The following ERAP2 variants were observed in gnomAD, a reference collection of about 807,000 sequenced individuals.
ERAP2 encodes leukocyte-derived arginine aminopeptidase.
Under a neutral mutation model 111.1 loss-of-function variants are expected in ERAP2, and 118 were observed. That is an observed-to-expected ratio of 1.06 (90% CI 0.92 to 1.24). The LOEUF is 1.24. ERAP2 is among the 50% of genes most tolerant of loss of function. The pLI is 0.00. For synonymous variants in ERAP2, 410 were observed against 401.2 expected, an observed-to-expected ratio of 1.02 and a Z score of -0.26; for missense variants, 1,131 against 1,125.8, an observed-to-expected ratio of 1.00 and a Z score of -0.07.
rs61258566 is a variant in ERAP2, at chr5:96,907,883, CAAAAA to C, written c.2013-1070_2013-1066del. On this transcript the variant is annotated intron_variant, in intron 13 of 18. Transcript: ENST00000437043. ...GGGTGACAAGAGCAAAACTCTGTCT[CAAAAA>C]AAAAAAATATATATATATGGCAGAC... 6.5e-3 allele frequency among the ~76,000 whole-genome samples: 955 copies of C among 147,822 alleles called. 5 individuals are homozygous for C. The highest frequency in any genetic ancestry group is 0.01 in the Non-Finnish European group (678 of 66,068).
At chr5:96,890,280 C>G (rs572024432) in intron 5 of ERAP2, among the ~76,000 whole-genome samples, 9 of 152,324 alleles carry the variant, frequency 5.9e-5, no homozygotes, top group African/African-American at 2.2e-4. Flanking sequence ...CACCTCAGAG[C>G]ATTGGGCATT....
Position 96,879,696 on chromosome 5 carries a change from C to A in ERAP2, c.11C>A (p.Ser4Tyr). Residue 4 changes from serine to tyrosine, a missense_variant, in exon 2 of 19, where the codon TCT (serine) becomes TAT (tyrosine). This residue lies in a region of ERAP2 where 847 missense variants were observed against 856.5 expected (regional missense o/e 0.99). Transcript: ENST00000437043. ...TAGAGAATAGATTTCATGTTCCATTCTTCTGCAATGGTTAATTCACACAGA... is the reference window on the plus strand; with the variant it reads ...TAGAGAATAGATTTCATGTTCCATTATTCTGCAATGGTTAATTCACACAGA... MFH[S>Y]SAMVNSHRKP... 1 of 1,613,388 alleles carries A rather than the reference C, an allele frequency of 6.2e-7. No individual in the cohort carries two copies. The highest frequency in any genetic ancestry group is 8.5e-7 in the Non-Finnish European group (1 of 1,179,358).
rs1176534247 is a variant in ERAP2 at position 96,887,098 on chromosome 5, TATACAC to T, written c.849+311_849+316del. 5.4e-3 allele frequency among the ~76,000 whole-genome samples: 536 copies of T among 99,682 alleles called. 7 individuals carry two copies. The highest frequency in any genetic ancestry group is 0.017 in the African/African-American group (501 of 29,312). 65.4% of individuals were successfully genotyped at this position (99,682 alleles called of 152,430 possible). A position where few individuals can be genotyped will look rare whatever the true frequency, so the allele number is the denominator to read the frequency against. ...GTATATATATATATATATATATATA[TATACAC>T]ACACACACACACACACACACACATA... On this transcript the variant is annotated intron_variant, in intron 4 of 18. Coordinates refer to ENST00000437043, the MANE Select transcript of ERAP2 (RefSeq NM_022350.5).
At chr5:96,895,457 T>C (rs2151158970) in intron 7 of ERAP2, 98 bp downstream of exon 7, 1 of 881,522 alleles carries the variant, frequency 1.1e-6, no homozygotes, top group Admixed American at 2.4e-5. Context: ...AACTACATAA[T>C]GTTGTGGTTT....
In ERAP2 at chr5:96,892,192, G is replaced by C. The variant is rs1402041285; in HGVS notation, c.971-107G>C. On this transcript the variant is annotated intron_variant, in intron 5 of 18. Coordinates refer to ENST00000437043, the MANE Select transcript of ERAP2 (RefSeq NM_022350.5). Reference sequence around the variant, plus strand: ...AAGATATTCTTGATGTTTTCAAAAAGTCTGCTTAAATATGCTTAAAGGATC... The same window carrying C: ...AAGATATTCTTGATGTTTTCAAAAACTCTGCTTAAATATGCTTAAAGGATC... 2.6e-6 allele frequency: 3 copies of C among 1,141,470 alleles called. No homozygotes were observed. The East Asian group carries it at 7.2e-5, about 27-fold the overall frequency. 70.7% of individuals were successfully genotyped at this position (1,141,470 alleles called of 1,614,324 possible).
At chr5:96,881,517 G>T (rs1475289055) in intron 2 of ERAP2, 2 of 454,954 alleles carry the variant, frequency 4.4e-6, no homozygotes, top group Non-Finnish European at 8.8e-6. Flanking sequence ...CTCACGTTAT[G>T]TGAATTGTGT....
At chr5:96,893,624 G>A (rs1025676197) in intron 6 of ERAP2, among the ~76,000 whole-genome samples, 4 of 152,106 alleles carry the variant, frequency 2.6e-5, no homozygotes, top group Non-Finnish European at 5.9e-5. Context: ...TGCTCCCTCT[G>A]GCCCTCCCTT....
rs749128869 is a variant in ERAP2 at position 96,889,315 on chromosome 5, A to G, written c.970+10A>G. 1 of 1,613,916 alleles carries G rather than the reference A, an allele frequency of 6.2e-7. No homozygotes were observed. On this transcript the variant is annotated intron_variant, in intron 5 of 18. Coordinates refer to ENST00000437043, the MANE Select transcript of ERAP2 (RefSeq NM_022350.5). ...CCACTCTCCAAACTGGGTATGTTCA[A>G]ATTCCACATTATTGTCTTCATTTTT... is the stretch of plus-strand genomic sequence containing the variant.
intron 6 of ERAP2, among the ~76,000 whole-genome samples, chr5:96,895,038 G>GA (rs1220877404): frequency 1.3e-5 from 2 of 151,432 alleles, no homozygotes; most frequent in Non-Finnish European, 2.9e-5. Flanking sequence ...ACAAAAAAAA[G>GA]AAAAAAGAAA....
At position 96,889,361 on chromosome 5, in the gene ERAP2, T is replaced by G. The variant is rs1387858415; in HGVS notation, c.970+56T>G. 4 of 1,575,952 alleles carry G rather than the reference T, an allele frequency of 2.5e-6. No individual in the cohort carries two copies. The Admixed American group carries it at 6.7e-5, about 26-fold the overall frequency. On this transcript the variant is annotated intron_variant, in intron 5 of 18. Transcript: ENST00000437043. ...TTTTTGCTCATAAAACTTGCTTTGA[T>G]CTCTTCCCTCTTTCTCTTTCTATGT...
In ERAP2 at chr5:96,889,176, AT is replaced by A; in HGVS notation, c.850-6del. 1.2e-6 allele frequency: 2 copies of A among 1,613,634 alleles called. No individual in the cohort carries two copies. Among genetic ancestry groups the A allele is most frequent in the East Asian group, 4.5e-5 (2 of 44,858 alleles). ...CATTCAAAAACCTCTTCTGATCCAC[AT>A]TTCCCAGGTGTCCATCTATGCATCC... On this transcript the variant is annotated splice_polypyrimidine_tract_variant and splice_region_variant and intron_variant, in intron 4 of 18. Transcript: ENST00000437043.
At chr5:96,910,925 C>T (rs1455546627) in intron 15 of ERAP2, among the ~76,000 whole-genome samples, 1 of 152,160 alleles carries the variant, frequency 6.6e-6, no homozygotes, top group African/African-American at 2.4e-5. Context: ...TGTGGCCTAC[C>T]TTCAAGAAGC....
At chr5:96,897,939 G>A (rs1314301112) in intron 9 of ERAP2, among the ~76,000 whole-genome samples, 2 of 152,216 alleles carry the variant, frequency 1.3e-5, no homozygotes, top group Non-Finnish European at 2.9e-5. Flanking sequence ...GCTCACGCCT[G>A]TAATCCCAAG....
At position 96,889,282 on chromosome 5, in the gene ERAP2, T is replaced by C; in HGVS notation, c.947T>C (p.Ile316Thr). ...GATTTTTATGAAAAGTACTTTGATA[T>C]CTACTATCCACTCTCCAAACTGGGT... ...LLDFYEKYFD[I>T]YYPLSKLDLI... Residue 316 changes from isoleucine to threonine, a missense_variant, in exon 5 of 19, where the codon ATC becomes ACC. By Grantham distance (89) the Ile-to-Thr change is moderately conservative. Coordinates refer to ENST00000437043, the MANE Select transcript of ERAP2 (RefSeq NM_022350.5). The C allele has an allele frequency of 6.2e-7, 1 of 1,614,042 alleles. No homozygotes were observed.
At chr5:96,911,384 A>C (rs1786721875) in intron 15 of ERAP2, among the ~76,000 whole-genome samples, 1 of 152,228 alleles carries the variant, frequency 6.6e-6, no homozygotes, top group Admixed American at 6.5e-5. Context: ...TTAAAAAGTC[A>C]TATGCCCACT....
At position 96,883,834 on chromosome 5, in the gene ERAP2, G is replaced by A. The variant is rs764904138; in HGVS notation, c.618G>A (p.Met206Ile). ...ATTTTGAGCCAACCCAGGCACGCAT[G>A]GCTTTCCCTTGCTTTGATGAACCGT... is the stretch of plus-strand genomic sequence containing the variant. Reference protein sequence around the residue: ...VTDFEPTQARMAFPCFDEPLF... With the variant: ...VTDFEPTQARIAFPCFDEPLF... The change falls in exon 3 of 19, where the codon ATG becomes ATA. Residue 206 changes from methionine to isoleucine, a missense_variant. Met to Ile is a conservative substitution (Grantham distance 10). Coordinates refer to ENST00000437043, the MANE Select transcript of ERAP2 (RefSeq NM_022350.5). 1.9e-6 allele frequency: 3 copies of A among 1,613,402 alleles called. No homozygotes were observed. In the African/African-American group the frequency reaches 4.0e-5, roughly 22 times the overall value.
chr5:96,879,460 G>C (rs1782915705), intron 1 of ERAP2, 104 bp from the exon 2 acceptor site: 1 of 462,188 alleles, frequency 2.2e-6, no homozygotes, highest in Non-Finnish European at 3.9e-6. Flanking sequence ...TTCTGACAGA[G>C]AGCAGATTTT....
At chr5:96,895,470 G>T (rs2151159023) in intron 7 of ERAP2, 111 bp downstream of exon 7, 2 of 774,686 alleles carry the variant, frequency 2.6e-6, no homozygotes, top group East Asian at 2.8e-5. Flanking sequence ...TGTGGTTTTT[G>T]AACATATGGC....
At chr5:96,904,099 T>C (rs563067257) in intron 13 of ERAP2, among the ~76,000 whole-genome samples, 2 of 152,392 alleles carry the variant, frequency 1.3e-5, no homozygotes, top group Admixed American at 6.5e-5. Context: ...TGGGTTGTTA[T>C]GAAATCTATT....
Sources: allele counts gnomAD v4.1 joint callset (sites outside exome capture counted in the v4.1 genomes callset), GRCh38; gene constraint gnomAD v4.1.1; regional missense constraint gnomAD v4.1.1; transcripts MANE v1.5; gene names NCBI Gene and HGNC (gene_info 2026-07-23, HGNC 2026-07-21).